The following ZBED6 variants were observed in gnomAD, a reference collection of about 807,000 sequenced individuals.
ZBED6 encodes the protein zinc finger BED-type containing 6.
ZBED6 carries 40 observed loss-of-function variants against 58.4 expected under a neutral mutation model. That is an observed-to-expected ratio of 0.68 (90% confidence interval 0.53 to 0.89). The LOEUF is 0.89. ZBED6 is among the 40% of genes least tolerant of loss of function. The pLI is 0.00. For synonymous variants in ZBED6, 439 were observed against 350.6 expected (o/e 1.25, Z -2.82); for missense variants, 1,057 against 1,003.9 (o/e 1.05, Z -0.71).
At chr1:203,795,722 G>A (rs1347247181) in exon 1 of ZBED6, 2 of 152,236 alleles carry the variant, frequency 1.3e-5, no homozygotes, top group Non-Finnish European at 1.5e-5. Context: ...CAGCGGCCAA[G>A]CAAGAAGAAA....
intron 9 of ZBED6, among the ~76,000 whole-genome samples, chr1:203,837,084 C>T (rs928147750): frequency 6.6e-6 from 1 of 151,912 alleles, no homozygotes; most frequent in Non-Finnish European, 1.5e-5. Flanking sequence ...CACCTGAGCT[C>T]AGGAGTTCAA....
chr1:203,814,390 G>C (rs564288599), intron 1 of ZBED6, among the ~76,000 whole-genome samples: 80 of 152,156 alleles, frequency 5.3e-4, no homozygotes, highest in Non-Finnish European at 1.0e-3. Flanking sequence ...CATATGTGGT[G>C]GTGCAAGCCT....
In ZBED6 at chr1:203,829,448, T is replaced by C. The variant is rs1283604332; in HGVS notation, c.*2998-3T>C. ...TAATTTATGACTGATTTTGTGCGTTTAGCTGTGTTGCCCACTGTGCCTGAG... is the reference window on the plus strand; with the variant it reads ...TAATTTATGACTGATTTTGTGCGTTCAGCTGTGTTGCCCACTGTGCCTGAG... On this transcript the variant is annotated splice_polypyrimidine_tract_variant and splice_region_variant and intron_variant, in intron 4 of 16. Transcript: ENST00000550078. The C allele has an allele frequency of 1.2e-6, 2 of 1,613,874 alleles. No individual in the cohort carries two copies. Among genetic ancestry groups the C allele is most frequent in the Non-Finnish European group, 1.7e-6 (2 of 1,179,868 alleles).
At chr1:203,809,500 T>C (rs1386287307) in intron 1 of ZBED6, among the ~76,000 whole-genome samples, 1 of 152,072 alleles carries the variant, frequency 6.6e-6, no homozygotes, top group Non-Finnish European at 1.5e-5. Context: ...TAGTGGTATG[T>C]TCATTTGTAG....
At chr1:203,826,111 A>G (rs1487015060) in intron 3 of ZBED6, among the ~76,000 whole-genome samples, 1 of 152,204 alleles carries the variant, frequency 6.6e-6, no homozygotes, top group Non-Finnish European at 1.5e-5. Flanking sequence ...AGAAAGGAAG[A>G]ATTGAATAAT....
chr1:203,848,655 AGGCG>A (rs1473183052), intron 13 of ZBED6, among the ~76,000 whole-genome samples: 1 of 152,194 alleles, frequency 6.6e-6, no homozygotes, highest in African/African-American at 2.4e-5. Flanking sequence ...TGGGAGGCTG[AGGCG>A]GGCGGATCAC....
intron 1 of ZBED6, 144 bp from the exon 2 acceptor site, chr1:203,816,782 G>T: frequency 3.4e-6 from 1 of 293,532 alleles, no homozygotes. Context: ...TACAGTATTC[G>T]CAATCAGTGT....
chr1:203,798,717 A>C, exon 1 of ZBED6: 1 of 1,536,058 alleles, frequency 6.5e-7, no homozygotes. Context: ...GGAGAGAGAA[A>C]CAACATGTTG....
intron 9 of ZBED6, chr1:203,835,917 C>A: frequency 4.7e-6 from 1 of 211,854 alleles, no homozygotes. Context: ...AGACATACTT[C>A]CTTTAAGAAG....
At chr1:203,850,458 T>C (rs1340325131) in intron 14 of ZBED6, 57 bp from the exon 15 acceptor site, 1 of 1,587,990 alleles carries the variant, frequency 6.3e-7, no homozygotes, top group Non-Finnish European at 8.6e-7. Context: ...TCTGAATTAT[T>C]CCCCATTTAA....
chr1:203,831,796 T>A (rs1406088765), intron 8 of ZBED6, 25 bp downstream of exon 8: 40 of 1,560,478 alleles, frequency 2.6e-5, no homozygotes, highest in Non-Finnish European at 3.2e-5. Flanking sequence ...GGTCTTAGAG[T>A]TGTCAAGCCT....
chr1:203,826,317 A>G lies in ZBED6; in HGVS notation c.*2874-1982A>G, dbSNP rs1680503823. Among the ~76,000 whole-genome samples, 3 of 151,608 alleles carry G rather than the reference A, an allele frequency of 2.0e-5. No individual in the cohort carries two copies. The South Asian group carries it at 6.2e-4, about 31-fold the overall frequency. The stretch of plus-strand genomic sequence containing the variant: ...CCCACAGTAGCCTATACTTTTAAAA[A>G]ATATTATACTTTTAGAAAATATCAA... On this transcript the variant is annotated intron_variant, in intron 3 of 16. Coordinates refer to ENST00000550078, the Ensembl canonical transcript of ZBED6.
chr1:203,841,585 CTCTT>C lies in ZBED6; in HGVS notation c.*3741+1217_*3741+1220del, dbSNP rs1168527828. 2.0e-5 allele frequency among the ~76,000 whole-genome samples: 3 copies of C among 152,372 alleles called. No individual in the cohort carries two copies. The East Asian group carries it at 5.8e-4, about 29-fold the overall frequency. On this transcript the variant is annotated intron_variant, in intron 11 of 16. Transcript: ENST00000550078. ...CACAGACACAGTAACAATCTGATCT[CTCTT>C]TCTTTTCCCCACATTTCCCCGTTTT... is the stretch of plus-strand genomic sequence containing the variant.
chr1:203,799,927 A>T, exon 1 of ZBED6: 2 of 1,536,146 alleles, frequency 1.3e-6, no homozygotes, highest in South Asian at 1.2e-5. Context: ...GTCTGTAATT[A>T]TATGGAATCT....
At chr1:203,850,255 G>T in intron 14 of ZBED6, 3 of 648,286 alleles carry the variant, frequency 4.6e-6, no homozygotes, top group Admixed American at 5.9e-5. Context: ...TTTCTATGGT[G>T]CATCTTTCCT....
exon 12 of ZBED6, chr1:203,847,273 A>G: frequency 6.2e-7 from 1 of 1,613,988 alleles, no homozygotes; most frequent in Non-Finnish European, 8.5e-7. Flanking sequence ...AGAATTGCAA[A>G]CTAAACTCAA....
chr1:203,832,847 A>G (rs1257681247), intron 8 of ZBED6, among the ~76,000 whole-genome samples: 2 of 152,254 alleles, frequency 1.3e-5, no homozygotes. Flanking sequence ...TTCATTCAAC[A>G]TATCAAAGTG....
At chr1:203,835,693 C>A (rs563638385) in intron 9 of ZBED6, 1 of 250,162 alleles carries the variant, frequency 4.0e-6, no homozygotes, top group Non-Finnish European at 8.6e-6. Flanking sequence ...GCTTGAGTTA[C>A]CTTTCCCCAG....
At chr1:203,820,774 G>A (rs910333284) in intron 3 of ZBED6, among the ~76,000 whole-genome samples, 7 of 151,960 alleles carry the variant, frequency 4.6e-5, no homozygotes, top group Admixed American at 2.6e-4. Context: ...GCCACGCCCG[G>A]CGAATGGTAT....
Sources: allele counts gnomAD v4.1 joint callset (sites outside exome capture counted in the v4.1 genomes callset), GRCh38; gene constraint gnomAD v4.1.1; transcripts MANE v1.5; gene names NCBI Gene and HGNC (gene_info 2026-07-23, HGNC 2026-07-21).